The following AP3M1 variants were observed in gnomAD, a reference collection of about 807,000 sequenced individuals.
The protein encoded by AP3M1 is AP-3 complex subunit mu-1.
A neutral mutation model predicts 42.6 loss-of-function variants in AP3M1; 29 were observed. The observed-to-expected ratio is 0.68, with a 90% CI of 0.51 to 0.93. The LOEUF is 0.93. Ranked by LOEUF, AP3M1 falls within the 40% of genes least tolerant of loss-of-function variation. The pLI is 0.00. For missense variants in AP3M1, 416 were observed against 510.2 expected, an observed-to-expected ratio of 0.82 and a Z score of 1.78; for synonymous variants, 178 against 175.3, an observed-to-expected ratio of 1.02 and a Z score of -0.12.
chr10:74,140,920 T>C (rs983799889), intron 1 of AP3M1, among the ~76,000 whole-genome samples: 4 of 152,100 alleles, frequency 2.6e-5, no homozygotes, highest in African/African-American at 9.7e-5. Context: ...ATAAAACTCT[T>C]AGAAAAAATA....
chr10:74,141,353 G>A (rs960727605), intron 1 of AP3M1, among the ~76,000 whole-genome samples: 3 of 152,174 alleles, frequency 2.0e-5, no homozygotes, highest in African/African-American at 7.2e-5. Flanking sequence ...CTGAGTCCAG[G>A]AGTTTGAGGC....
At position 74,121,815 on chromosome 10, in the gene AP3M1, T is replaced by C. The variant is rs891177559; in HGVS notation, c.*1995A>G. The C allele has an allele frequency of 2.0e-5, 3 of 152,238 alleles. No homozygotes were observed. The highest frequency in any genetic ancestry group is 4.8e-5 in the African/African-American group (2 of 41,468). The allele number at this position is 152,238 out of a possible 1,614,324, so 9.4% of individuals were successfully genotyped here. A position where few individuals can be genotyped will look rare whatever the true frequency, so the allele number is the denominator to read the frequency against. ...CACAGCCAGAGCTACCAAAATGATT[T>C]ACTGGATTCTAGCAAATTAATAAAT... On this transcript the variant is annotated 3_prime_UTR_variant, in exon 9 of 9. Transcript: ENST00000355264.
intron 3 of AP3M1, 54 bp downstream of exon 3, chr10:74,136,578 T>C (rs991390534): frequency 6.3e-5 from 84 of 1,340,818 alleles, no homozygotes; most frequent in Middle Eastern, 2.1e-4. Flanking sequence ...CAATAATGAG[T>C]TGTTTACAAA....
At position 74,123,888 on chromosome 10, in the gene AP3M1, G is replaced by A. The variant is rs756616945; in HGVS notation, c.1179C>T (p.Asp393=). 6.2e-7 allele frequency: 1 copy of A among 1,613,746 alleles called. No individual in the cohort carries two copies. Among genetic ancestry groups the A allele is most frequent in the South Asian group, 1.1e-5 (1 of 91,064 alleles). Residue 393 remains aspartate, a synonymous_variant, in exon 9 of 9, where the codon GAC becomes GAT. Coordinates refer to ENST00000355264, the MANE Select transcript of AP3M1 (RefSeq NM_012095.6). The part of the protein sequence containing the change: ...AISGLKVNRL[D]MYGEKYKPFK... ...ATGGCTTATATTTCTCCCCATACAT[G>A]TCCAAACGGTTTACTTTTAAGCCTG...
chr10:74,138,092 T>A lies in AP3M1; in HGVS notation c.273+15A>T. 1 of 1,609,266 alleles carries A rather than the reference T, an allele frequency of 6.2e-7. No homozygotes were observed. Among genetic ancestry groups the A allele is most frequent in the Non-Finnish European group, 8.5e-7 (1 of 1,177,572 alleles). On this transcript the variant is annotated intron_variant, in intron 2 of 8. Coordinates refer to ENST00000355264, the MANE Select transcript of AP3M1 (RefSeq NM_012095.6). ...TTGGGTCATTTAACTTAGAAAGGTA[T>A]GATAGATAACCAACCTGAAAAGTGT...
Position 74,120,846 on chromosome 10 carries a change from C to T in AP3M1, c.*2964G>A, listed in dbSNP as rs1181240615. The T allele has an allele frequency of 3.9e-5, 6 of 152,104 alleles. No homozygotes were observed. The highest frequency in any genetic ancestry group is 1.4e-4 in the African/African-American group (6 of 41,408). The allele number at this position is 152,104 out of a possible 1,614,324, so 9.4% of individuals were successfully genotyped here. On this transcript the variant is annotated 3_prime_UTR_variant, in exon 9 of 9. Coordinates refer to ENST00000355264, the MANE Select transcript of AP3M1 (RefSeq NM_012095.6). ...CAGGTCCATTTTTCATATTCCAAAGCCCAGTATAGAATAAATAGGGTTTTC... is the reference window on the plus strand; with the variant it reads ...CAGGTCCATTTTTCATATTCCAAAGTCCAGTATAGAATAAATAGGGTTTTC...
At chr10:74,146,761 AAAAG>A (rs1293556990) in intron 1 of AP3M1, among the ~76,000 whole-genome samples, 2 of 152,218 alleles carry the variant, frequency 1.3e-5, no homozygotes, top group Non-Finnish European at 2.9e-5. Context: ...GAATTGAAAC[AAAAG>A]AAAGAATGTG....
chr10:74,141,968 G>A (rs1009254964), intron 1 of AP3M1, among the ~76,000 whole-genome samples: 1 of 151,356 alleles, frequency 6.6e-6, no homozygotes, highest in African/African-American at 2.4e-5. Context: ...TGATCCGCCT[G>A]CCTCAGCCTC....
rs1840867169 is a variant in AP3M1, at chr10:74,134,029, G to A, written c.581C>T (p.Ser194Leu). ...TAAGATGACATGCACACAATTACCTGATTTATCTATAATTGCGTCTATTTC... is the reference window on the plus strand; with the variant it reads ...TAAGATGACATGCACACAATTACCTAATTTATCTATAATTGCGTCTATTTC... The part of the protein sequence containing the change: ...VEEIDAIIDK[S>L]GSTVFAEIQG... The change falls in exon 4 of 9, where the codon TCA becomes TTA. Residue 194 changes from serine to leucine, a missense_variant and splice_region_variant. Coordinates refer to ENST00000355264, the MANE Select transcript of AP3M1 (RefSeq NM_012095.6). 1 of 1,613,614 alleles carries A rather than the reference G, an allele frequency of 6.2e-7. No individual in the cohort carries two copies. Among genetic ancestry groups the A allele is most frequent in the African/African-American group, 1.3e-5 (1 of 74,888 alleles).
At chr10:74,148,085 T>TA (rs943912087) in intron 1 of AP3M1, among the ~76,000 whole-genome samples, 29 of 151,734 alleles carry the variant, frequency 1.9e-4, no homozygotes, top group Non-Finnish European at 3.7e-4. Context: ...GCAAGAAGTG[T>TA]AAAAAAATAG....
chr10:74,147,269 A>C (rs1364695304), intron 1 of AP3M1, among the ~76,000 whole-genome samples: 1 of 141,132 alleles, frequency 7.1e-6, no homozygotes, highest in Non-Finnish European at 1.6e-5. Flanking sequence ...TGGATGACAG[A>C]GCGAGACTCC....
At chr10:74,128,572 G>A (rs566827786) in intron 6 of AP3M1, among the ~76,000 whole-genome samples, 5 of 152,048 alleles carry the variant, frequency 3.3e-5, no homozygotes, top group South Asian at 2.1e-4. Context: ...AAAACTCAAC[G>A]CAGAGAAGAC....
rs528330641 is a variant in AP3M1 at position 74,140,205 on chromosome 10, G to A, written c.-3-1823C>T. Among the ~76,000 whole-genome samples, 5 of 152,242 alleles carry A rather than the reference G, an allele frequency of 3.3e-5. No individual in the cohort carries two copies. In the East Asian group the frequency reaches 5.8e-4, roughly 18 times the overall value. On this transcript the variant is annotated intron_variant, in intron 1 of 8. Transcript: ENST00000355264. ...GGGGCGCACACATCCACCCCAGCCC[G>A]AGCCTGCGTTTCCTGAGCCAGGATC...
Position 74,136,624 on chromosome 10 carries a change from C to T in AP3M1, c.445+8G>A, listed in dbSNP as rs777770337. 12 of 1,531,640 alleles carry T rather than the reference C, an allele frequency of 7.8e-6. No homozygotes were observed. The highest frequency in any genetic ancestry group is 1.1e-5 in the Non-Finnish European group (12 of 1,124,548). 94.9% of individuals were successfully genotyped at this position (1,531,640 alleles called of 1,614,324 possible). ...CTCAGTTACTAGCACAGTATGTTTT[C>T]ATCTTACCTGTAATAGAGTTGACAA... On this transcript the variant is annotated splice_region_variant and intron_variant, in intron 3 of 8. Coordinates refer to ENST00000355264, the MANE Select transcript of AP3M1 (RefSeq NM_012095.6).
intron 1 of AP3M1, among the ~76,000 whole-genome samples, chr10:74,148,796 AT>A (rs1458703973): frequency 6.6e-6 from 1 of 151,128 alleles, no homozygotes; most frequent in Admixed American, 6.6e-5. Flanking sequence ...GCCTCAAGTG[AT>A]TTTCCCGCCT....
intron 5 of AP3M1, 61 bp from the exon 6 acceptor site, chr10:74,129,302 GATACCTTGACAA>G: frequency 6.5e-7 from 1 of 1,548,188 alleles, no homozygotes; most frequent in South Asian, 1.2e-5. Context: ...ACTGTACTCA[GATACCTTGACAA>G]ATATGTTCCC....
intron 8 of AP3M1, 130 bp from the exon 9 acceptor site, chr10:74,124,040 T>C (rs190432067): frequency 1.2e-6 from 1 of 837,524 alleles, no homozygotes; most frequent in African/African-American, 1.7e-5. Flanking sequence ...ATGTCTCTTC[T>C]ATCATTTACA....
At chr10:74,126,091 A>G in intron 7 of AP3M1, 57 bp downstream of exon 7, 1 of 1,584,964 alleles carries the variant, frequency 6.3e-7, no homozygotes, top group Non-Finnish European at 8.7e-7. Flanking sequence ...TCCTCCCCAC[A>G]AATCACAAAA....
At chr10:74,135,275 T>C (rs1389999279) in intron 3 of AP3M1, among the ~76,000 whole-genome samples, 1 of 152,220 alleles carries the variant, frequency 6.6e-6, no homozygotes, top group Non-Finnish European at 1.5e-5. Flanking sequence ...ACTTTAGGTT[T>C]TTCTCTTTCA....
Sources: allele counts gnomAD v4.1 joint callset (sites outside exome capture counted in the v4.1 genomes callset), GRCh38; gene constraint gnomAD v4.1.1; transcripts MANE v1.5; gene names NCBI Gene and HGNC (gene_info 2026-07-23, HGNC 2026-07-21).